Variants in PBX1 observed in about 807,000 individuals in gnomAD.
PBX1 encodes pre-B-cell leukemia transcription factor 1.
PBX1 carries 6 observed loss-of-function variants against 53.4 expected under a neutral mutation model. The ratio of observed to expected loss-of-function variants is 0.11; its 90% confidence interval spans 0.06 to 0.22. The LOEUF is 0.22. Ranked by LOEUF, PBX1 falls within the 10% of genes least tolerant of loss-of-function variation. The pLI, the probability that PBX1 is intolerant of heterozygous loss-of-function variation, is 1.00. For missense variants in PBX1, 251 were observed against 551.4 expected (o/e 0.46, Z 5.46); for synonymous variants, 204 against 212.3 (o/e 0.96, Z 0.34).
At chr1:164,789,875 C>T (rs1558009063) in intron 2 of PBX1, among the ~76,000 whole-genome samples, 1 of 151,978 alleles carries the variant, frequency 6.6e-6, no homozygotes, top group African/African-American at 2.4e-5. Flanking sequence ...ATTCAGTGAG[C>T]GAATGAGAGA....
intron 2 of PBX1, among the ~76,000 whole-genome samples, chr1:164,759,085 A>G (rs1666675312): frequency 6.6e-6 from 1 of 152,216 alleles, no homozygotes; most frequent in African/African-American, 2.4e-5. Flanking sequence ...ACTGGGCTGC[A>G]TGCACTATAC....
intron 2 of PBX1, among the ~76,000 whole-genome samples, chr1:164,662,243 C>A (rs1660530372): frequency 6.6e-6 from 1 of 152,098 alleles, no homozygotes; most frequent in African/African-American, 2.4e-5. Flanking sequence ...GGAGAATTGC[C>A]AGAATCTGGG....
chr1:164,818,587 T>G (rs1473332260), intron 6 of PBX1: 1 of 152,010 alleles, frequency 6.6e-6, no homozygotes, highest in Non-Finnish European at 1.5e-5. Flanking sequence ...TAGCTAGGTT[T>G]TTTTTGCATG....
At chr1:164,842,325 T>C (rs1241900096) in intron 8 of PBX1, among the ~76,000 whole-genome samples, 1 of 152,126 alleles carries the variant, frequency 6.6e-6, no homozygotes, top group East Asian at 1.9e-4. Context: ...AAGAGCTAGC[T>C]CCCTCTACCT....
chr1:164,810,829 T>C (rs1008066430), intron 5 of PBX1, among the ~76,000 whole-genome samples: 8 of 152,210 alleles, frequency 5.3e-5, no homozygotes, highest in Non-Finnish European at 1.0e-4. Context: ...TTTTTTCTTT[T>C]TTGTTTAATA....
intron 2 of PBX1, among the ~76,000 whole-genome samples, chr1:164,566,614 A>G (rs140211842): frequency 1.3e-5 from 2 of 152,320 alleles, no homozygotes; most frequent in African/African-American, 2.4e-5. Context: ...GGTTGGTGGG[A>G]TAGAAGAAAA....
At chr1:164,767,057 CAGGA>C (rs1667096873) in intron 2 of PBX1, among the ~76,000 whole-genome samples, 1 of 151,778 alleles carries the variant, frequency 6.6e-6, no homozygotes, top group South Asian at 2.1e-4. Context: ...AACACATTTT[CAGGA>C]AGTGTCATAA....
At chr1:164,660,206 CTG>C (rs1449633290) in intron 2 of PBX1, among the ~76,000 whole-genome samples, 2 of 152,186 alleles carry the variant, frequency 1.3e-5, no homozygotes, top group East Asian at 1.9e-4. Context: ...TTTAAGCAAA[CTG>C]GAGAAGGATT....
At chr1:164,838,709 A>G (rs182952675) in intron 8 of PBX1, among the ~76,000 whole-genome samples, 4 of 152,134 alleles carry the variant, frequency 2.6e-5, no homozygotes, top group African/African-American at 7.2e-5. Flanking sequence ...AAGAGTTCAC[A>G]CTAGATTTGT....
intron 2 of PBX1, among the ~76,000 whole-genome samples, chr1:164,598,793 G>A (rs1368729999): frequency 6.6e-6 from 1 of 152,168 alleles, no homozygotes; most frequent in Non-Finnish European, 1.5e-5. Context: ...TTGACATTGT[G>A]TCATACCTCG....
At chr1:164,747,792 A>G (rs778138874) in intron 2 of PBX1, among the ~76,000 whole-genome samples, 6 of 152,176 alleles carry the variant, frequency 3.9e-5, no homozygotes, top group African/African-American at 9.7e-5. Context: ...GTGGCTATCT[A>G]TGCATTCACA....
At chr1:164,841,111 A>G (rs572648234) in intron 8 of PBX1, among the ~76,000 whole-genome samples, 1 of 152,314 alleles carries the variant, frequency 6.6e-6, no homozygotes, top group Admixed American at 6.5e-5. Context: ...CACGCAATAC[A>G]GCAGCACATG....
chr1:164,840,442 A>G (rs1671237653), intron 8 of PBX1, among the ~76,000 whole-genome samples: 1 of 152,208 alleles, frequency 6.6e-6, no homozygotes, highest in Non-Finnish European at 1.5e-5. Context: ...GTCTCACACC[A>G]GAGAGAGAAA....
At chr1:164,790,932 C>A (rs968559820) in intron 2 of PBX1, among the ~76,000 whole-genome samples, 1 of 152,092 alleles carries the variant, frequency 6.6e-6, no homozygotes, top group East Asian at 1.9e-4. Context: ...GCACTGTCCC[C>A]CTGGGGCTCA....
chr1:164,663,982 A>G (rs1276762981), intron 2 of PBX1, among the ~76,000 whole-genome samples: 1 of 152,332 alleles, frequency 6.6e-6, no homozygotes, highest in East Asian at 1.9e-4. Flanking sequence ...CAGTCTCCCC[A>G]TTTGTGACAG....
intron 2 of PBX1, among the ~76,000 whole-genome samples, chr1:164,867,198 T>G (rs1437620237): frequency 1.3e-5 from 2 of 152,206 alleles, no homozygotes. Flanking sequence ...CTGAGACTTC[T>G]GAGGCTTCTT....
At chr1:164,630,694 A>G (rs899005648) in intron 2 of PBX1, among the ~76,000 whole-genome samples, 10 of 152,218 alleles carry the variant, frequency 6.6e-5, no homozygotes, top group African/African-American at 2.4e-4. Flanking sequence ...AGAACCTTCT[A>G]TGACTAAGTG....
At chr1:164,612,208 T>C (rs1656981172) in intron 2 of PBX1, among the ~76,000 whole-genome samples, 1 of 152,146 alleles carries the variant, frequency 6.6e-6, no homozygotes, top group Non-Finnish European at 1.5e-5. Context: ...ACCTTCCACC[T>C]CTGGGCGCCT....
rs755259075 is a variant in PBX1, at chr1:164,739,987, T to C, written c.266-52507T>C. Among the ~76,000 whole-genome samples, 15 of 152,328 alleles carry C rather than the reference T, an allele frequency of 9.8e-5. No homozygotes were observed. In the South Asian group the frequency reaches 1.0e-3, roughly 11 times the overall value. On this transcript the variant is annotated intron_variant, in intron 2 of 8. Coordinates refer to ENST00000420696, the MANE Select transcript of PBX1 (RefSeq NM_002585.4). ...TAATGGAAAAATCTCTGTCTCTTTATGTAGGAAGATATGGTAGCAACTAGC... is the reference window on the plus strand; with the variant it reads ...TAATGGAAAAATCTCTGTCTCTTTACGTAGGAAGATATGGTAGCAACTAGC...
Sources: allele counts gnomAD v4.1 joint callset (sites outside exome capture counted in the v4.1 genomes callset), GRCh38; gene constraint gnomAD v4.1.1; transcripts MANE v1.5; gene names NCBI Gene and HGNC (gene_info 2026-07-23, HGNC 2026-07-21).